Variants in KPNA4 observed in about 807,000 individuals in gnomAD.
KPNA4 encodes the protein karyopherin subunit alpha 4.
KPNA4 carries 13 observed loss-of-function variants against 71.3 expected under a neutral mutation model. The ratio of observed to expected loss-of-function variants is 0.18; its 90% confidence interval spans 0.12 to 0.29. The LOEUF is 0.29. Among genes scored for constraint, KPNA4 ranks in the 10% least tolerant of loss-of-function variants. The pLI is 1.00. For synonymous variants in KPNA4, 189 were observed against 195.2 expected, an observed-to-expected ratio of 0.97 and a Z score of 0.26; for missense variants, 334 against 603.2, an observed-to-expected ratio of 0.55 and a Z score of 4.67.
intron 1 of KPNA4, among the ~76,000 whole-genome samples, chr3:160,543,693 T>C (rs2108556678): frequency 6.6e-6 from 1 of 152,362 alleles, no homozygotes; most frequent in Middle Eastern, 3.4e-3. Flanking sequence ...GTAGTTACTA[T>C]GCATGGCAAT....
intron 16 of KPNA4, 74 bp from the exon 17 acceptor site, chr3:160,502,276 C>A (rs1402222195): frequency 1.6e-6 from 1 of 629,704 alleles, no homozygotes; most frequent in South Asian, 3.8e-5. Flanking sequence ...AGTACTAATC[C>A]CATTACCCTT....
chr3:160,503,182 A>G (rs1345386120), intron 16 of KPNA4, among the ~76,000 whole-genome samples: 1 of 151,828 alleles, frequency 6.6e-6, no homozygotes, highest in Admixed American at 6.6e-5. Context: ...AGACAATCAC[A>G]TTAAAAAAAA....
rs772007329 is a variant in KPNA4, at chr3:160,565,206, G to T, written c.69+8C>A. ...CCCCCACCCCTCCGGCGTCGTCCCC[G>T]AGTTTACCTCCAAGTCGCGGCCTTT... On this transcript the variant is annotated splice_region_variant and intron_variant, in intron 1 of 16. Transcript: ENST00000334256. 6 of 1,602,296 alleles carry T rather than the reference G, an allele frequency of 3.7e-6. No homozygotes were observed. The South Asian group carries it at 6.7e-5, about 18-fold the overall frequency.
chr3:160,547,659 T>G (rs777253068), intron 1 of KPNA4, among the ~76,000 whole-genome samples: 4 of 152,170 alleles, frequency 2.6e-5, no homozygotes, highest in African/African-American at 4.8e-5. Flanking sequence ...ATGATATGCA[T>G]CCATTAGTAT....
At position 160,563,692 on chromosome 3, in the gene KPNA4, T is replaced by C. The variant is rs144022663; in HGVS notation, c.69+1522A>G. On this transcript the variant is annotated intron_variant, in intron 1 of 16. Transcript: ENST00000334256. Reference sequence around the variant, plus strand: ...GATTTTTTCTCATTCTAAGTATTCATATTAGTAAAAAACATTTTCACCACA... The same window carrying C: ...GATTTTTTCTCATTCTAAGTATTCACATTAGTAAAAAACATTTTCACCACA... 2.0e-5 allele frequency among the ~76,000 whole-genome samples: 3 copies of C among 152,330 alleles called. No individual in the cohort carries two copies. In the East Asian group the frequency reaches 5.8e-4, roughly 29 times the overall value.
rs1720748568 is a variant in KPNA4 at position 160,495,846 on chromosome 3, GTAA to G, written c.*6255_*6257del. Reference sequence around the variant, plus strand: ...CAACCCTGAAAAGACAAGAATTATGGTAATACCAAAGTGACTAAGGTTGTCTTG... The same window carrying G: ...CAACCCTGAAAAGACAAGAATTATGGTACCAAAGTGACTAAGGTTGTCTTG... On this transcript the variant is annotated 3_prime_UTR_variant, in exon 17 of 17. Coordinates refer to ENST00000334256, the MANE Select transcript of KPNA4 (RefSeq NM_002268.5). The G allele has an allele frequency of 6.6e-6, 1 of 151,256 alleles. No individual in the cohort carries two copies. The highest frequency in any genetic ancestry group is 2.4e-5 in the African/African-American group (1 of 41,102). 9.4% of individuals were successfully genotyped at this position (151,256 alleles called of 1,614,324 possible).
rs1444305471 is a variant in KPNA4 at position 160,565,333 on chromosome 3, A to T, written c.-51T>A. 6.8e-7 allele frequency: 1 copy of T among 1,469,962 alleles called. No homozygotes were observed. Among genetic ancestry groups the T allele is most frequent in the Non-Finnish European group, 9.3e-7 (1 of 1,074,964 alleles). The allele number at this position is 1,469,962 out of a possible 1,614,324, so 91.1% of individuals were successfully genotyped here. A position where few individuals can be genotyped will look rare whatever the true frequency, so the allele number is the denominator to read the frequency against. Reference sequence around the variant, plus strand: ...GCCCGGGCCCCGCGGGATCCGCCCCAACCAACGCGCCGCACCGACACTCCC... The same window carrying T: ...GCCCGGGCCCCGCGGGATCCGCCCCTACCAACGCGCCGCACCGACACTCCC... On this transcript the variant is annotated 5_prime_UTR_variant, in exon 1 of 17. Transcript: ENST00000334256.
chr3:160,558,898 A>T (rs576358500), intron 1 of KPNA4, among the ~76,000 whole-genome samples: 1 of 152,348 alleles, frequency 6.6e-6, no homozygotes, highest in African/African-American at 2.4e-5. Flanking sequence ...AAGTCAGCTC[A>T]CTTAAGAATT....
At chr3:160,558,686 G>A (rs1265787732) in intron 1 of KPNA4, among the ~76,000 whole-genome samples, 1 of 152,054 alleles carries the variant, frequency 6.6e-6, no homozygotes, top group African/African-American at 2.4e-5. Flanking sequence ...GCCCCTATGT[G>A]GGTCCTGAGA....
At position 160,525,950 on chromosome 3, in the gene KPNA4, T is replaced by G. The variant is rs1216985687; in HGVS notation, c.714A>C (p.Glu238Asp). The G allele has an allele frequency of 6.3e-7, 1 of 1,576,614 alleles. No homozygotes were observed. The highest frequency in any genetic ancestry group is 1.2e-5 in the South Asian group (1 of 82,118). Residue 238 changes from glutamate (E) to aspartate (D), a missense_variant, in exon 9 of 17, where the codon GAA becomes GAC. By Grantham distance (45) the Glu-to-Asp change is conservative (BLOSUM62 2). Transcript: ENST00000334256. ...CRHKDPPPPM[E>D]TIQEILPALC... ...TAAAAGTGTTTACCTCCTGAATGGT[T>G]TCCATTGGTGGTGGTGGGTCTTTGT...
At chr3:160,550,084 A>T (rs1345419457) in intron 1 of KPNA4, among the ~76,000 whole-genome samples, 1 of 152,196 alleles carries the variant, frequency 6.6e-6, no homozygotes, top group Non-Finnish European at 1.5e-5. Context: ...GTATCCTGCA[A>T]CTTTGCTAAA....
Position 160,525,823 on chromosome 3 carries a change from A to G in KPNA4, c.748T>C (p.Leu250=). 6.4e-7 allele frequency: 1 copy of G among 1,570,700 alleles called. No individual in the cohort carries two copies. Among genetic ancestry groups the G allele is most frequent in the Non-Finnish European group, 8.6e-7 (1 of 1,158,538 alleles). Residue 250 remains leucine (L), a synonymous_variant, in exon 10 of 17, where the codon TTA becomes CTA. Transcript: ENST00000334256. ...ACATTTACATCTGTGTGATGAATTA[A>G]AACACAAAGGGCTGGAAGAATCTGA... is the stretch of plus-strand genomic sequence containing the variant. ...IQEILPALCV[L]IHHTDVNILV... is the part of the protein sequence containing the mutation.
intron 1 of KPNA4, among the ~76,000 whole-genome samples, chr3:160,542,258 C>G (rs1721815223): frequency 6.6e-6 from 1 of 152,126 alleles, no homozygotes; most frequent in Non-Finnish European, 1.5e-5. Flanking sequence ...CATCACAACC[C>G]AAACACATTT....
Position 160,495,864 on chromosome 3 carries a change from A to C in KPNA4, c.*6240T>G, listed in dbSNP as rs1395467619. On this transcript the variant is annotated 3_prime_UTR_variant, in exon 17 of 17. Coordinates refer to ENST00000334256, the MANE Select transcript of KPNA4 (RefSeq NM_002268.5). ...AATTATGGTAATACCAAAGTGACTA[A>C]GGTTGTCTTGATTCCCCGCCCCCAC... The C allele has an allele frequency of 6.6e-6, 1 of 151,886 alleles. No homozygotes were observed. The allele number at this position is 151,886 out of a possible 1,614,324, so 9.4% of individuals were successfully genotyped here. A position where few individuals can be genotyped will look rare whatever the true frequency, so the allele number is the denominator to read the frequency against.
chr3:160,523,434 A>T (rs544159588), intron 10 of KPNA4, among the ~76,000 whole-genome samples: 32 of 152,228 alleles, frequency 2.1e-4, no homozygotes, highest in Middle Eastern at 3.4e-3. Context: ...AAAATAAGAT[A>T]AAAAAAACCA....
chr3:160,509,166 C>T (rs765323354), intron 14 of KPNA4, among the ~76,000 whole-genome samples: 2 of 152,256 alleles, frequency 1.3e-5, no homozygotes, highest in South Asian at 2.1e-4. Flanking sequence ...CTTTGTCACC[C>T]GCACGACCTG....
chr3:160,564,248 T>A (rs1722296261), intron 1 of KPNA4: 1 of 152,136 alleles, frequency 6.6e-6, no homozygotes, highest in Non-Finnish European at 1.5e-5. Context: ...ATGTAGACAA[T>A]CTCGGGAGCA....
Position 160,565,283 on chromosome 3 carries a change from G to T in KPNA4, c.-1C>A. The stretch of plus-strand genomic sequence containing the variant: ...TGTCCAGTTTCTCGTTGTCCGCCAT[G>T]GCCGGGCCGGTGACTCCTTCCCCCG... On this transcript the variant is annotated 5_prime_UTR_variant, in exon 1 of 17. Transcript: ENST00000334256. 6.3e-7 allele frequency: 1 copy of T among 1,599,286 alleles called. No homozygotes were observed. The highest frequency in any genetic ancestry group is 8.5e-7 in the Non-Finnish European group (1 of 1,173,208).
intron 7 of KPNA4, among the ~76,000 whole-genome samples, chr3:160,529,460 AT>A (rs1347556484): frequency 6.6e-6 from 1 of 152,196 alleles, no homozygotes; most frequent in Admixed American, 6.5e-5. Flanking sequence ...ACCAGTTTTA[AT>A]AGGATGTGAG....
Sources: gnomAD v4.1 joint callset for allele counts (sites outside exome capture counted in the v4.1 genomes callset) on GRCh38, gnomAD v4.1.1 for gene constraint, MANE v1.5 for transcripts, NCBI Gene and HGNC (gene_info 2026-07-23, HGNC 2026-07-21) for gene names.